UNC13C: variants seen among roughly 807,000 people sequenced by gnomAD.
UNC13C encodes protein unc-13 homolog C.
Under a neutral mutation model 245.4 loss-of-function variants are expected in UNC13C, and 174 were observed. That is an observed-to-expected ratio of 0.71 (90% CI 0.63 to 0.80). The LOEUF (loss-of-function observed/expected upper bound fraction) is 0.80. Among genes scored for constraint, UNC13C ranks in the 30% least tolerant of loss-of-function variants. The pLI is 0.00. For missense variants in UNC13C, 2,829 were observed against 2,602.9 expected, an observed-to-expected ratio of 1.09 and a Z score of -1.89; for synonymous variants, 992 against 895.1, an observed-to-expected ratio of 1.11 and a Z score of -1.93.
chr15:54,161,916 C>A (rs1034534816), intron 4 of UNC13C, among the ~76,000 whole-genome samples: 3 of 151,708 alleles, frequency 2.0e-5, no homozygotes, highest in African/African-American at 4.9e-5. Flanking sequence ...CCACTGCACC[C>A]CAGTCTGGGC....
Position 54,444,257 on chromosome 15 carries a change from T to C in UNC13C, c.4933+29190T>C, listed in dbSNP as rs1473666013. On this transcript the variant is annotated intron_variant, in intron 19 of 32. Transcript: ENST00000260323. ...TTGTTGTTGACGTGGAATATCATTT[T>C]TCATTCCCTTACTTTTGATAAATGT... is the stretch of plus-strand genomic sequence containing the variant. 2.0e-5 allele frequency among the ~76,000 whole-genome samples: 3 copies of C among 151,548 alleles called. No homozygotes were observed. The Admixed American group carries it at 2.0e-4, about 10-fold the overall frequency.
intron 29 of UNC13C, among the ~76,000 whole-genome samples, chr15:54,566,627 T>A (rs1897528540): frequency 6.6e-6 from 1 of 152,066 alleles, no homozygotes; most frequent in African/African-American, 2.4e-5. Context: ...ATTTGCCTAA[T>A]TTCTCTGGCC....
chr15:54,486,010 C>G (rs1167553898), intron 19 of UNC13C, among the ~76,000 whole-genome samples: 1 of 152,102 alleles, frequency 6.6e-6, no homozygotes, highest in Non-Finnish European at 1.5e-5. Flanking sequence ...TTATACTTCA[C>G]ATTATATTGA....
intron 8 of UNC13C, among the ~76,000 whole-genome samples, chr15:54,261,522 GTTTGTTTTGTTTTGT>G (rs10582681): frequency 1.4e-3 from 210 of 150,678 alleles, no homozygotes; most frequent in African/African-American, 4.6e-3. Flanking sequence ...ATTTTTGTTT[GTTTGTTTTGTTTTGT>G]TTTGTTTTGT....
the UNC13C span, among the ~76,000 whole-genome samples, chr15:53,888,665 T>C: frequency 1.2e-3 from 183 of 152,226 alleles, no homozygotes; most frequent in African/African-American, 4.3e-3. Context: ...TTTTCTTCTG[T>C]GGTTTTTATG....
intron 30 of UNC13C, among the ~76,000 whole-genome samples, chr15:54,608,785 T>C (rs1899917926): frequency 6.6e-6 from 1 of 152,218 alleles, no homozygotes; most frequent in Admixed American, 6.5e-5. Context: ...TATTCTCTAT[T>C]TCTCTTCTGA....
intron 17 of UNC13C, among the ~76,000 whole-genome samples, chr15:54,360,926 T>C (rs557031127): frequency 6.6e-6 from 1 of 152,184 alleles, no homozygotes; most frequent in South Asian, 2.1e-4. Flanking sequence ...TGATTATTAT[T>C]TGCCTTGGGA....
At chr15:54,234,394 A>G (rs2035633591) in intron 4 of UNC13C, among the ~76,000 whole-genome samples, 1 of 152,168 alleles carries the variant, frequency 6.6e-6, no homozygotes. Context: ...TTTAATCAAT[A>G]TGCTATTGAT....
At chr15:54,135,748 GTTCTT>G (rs1194225746) in intron 2 of UNC13C, among the ~76,000 whole-genome samples, 4 of 152,014 alleles carry the variant, frequency 2.6e-5, no homozygotes, top group Non-Finnish European at 4.4e-5. Flanking sequence ...CCCCAGCTTC[GTTCTT>G]TTCTTTAAAG....
At chr15:54,602,461 A>G (rs1899491758) in intron 30 of UNC13C, among the ~76,000 whole-genome samples, 1 of 152,178 alleles carries the variant, frequency 6.6e-6, no homozygotes, top group Admixed American at 6.5e-5. Flanking sequence ...AACATCAAGG[A>G]GCTAGAATAT....
At chr15:54,531,567 G>A (rs1566891705) in intron 25 of UNC13C, among the ~76,000 whole-genome samples, 1 of 152,038 alleles carries the variant, frequency 6.6e-6, no homozygotes, top group Non-Finnish European at 1.5e-5. Context: ...AGCCTGTGAG[G>A]TCAGAGGAAA....
chr15:54,570,648 C>T (rs1897713185), intron 30 of UNC13C, among the ~76,000 whole-genome samples: 1 of 152,124 alleles, frequency 6.6e-6, no homozygotes, highest in Non-Finnish European at 1.5e-5. Flanking sequence ...TGACCATAGA[C>T]TGAGTAATAA....
chr15:54,199,505 C>T (rs2034455473), intron 4 of UNC13C, among the ~76,000 whole-genome samples: 1 of 152,012 alleles, frequency 6.6e-6, no homozygotes, highest in African/African-American at 2.4e-5. Flanking sequence ...AGCAGAGATC[C>T]TACAAGCTAG....
At position 54,494,682 on chromosome 15, in the gene UNC13C, G is replaced by A; in HGVS notation, c.5008G>A (p.Glu1670Lys). ...LHFKVKWFYNEYVRELPAFKD... is the reference protein window; with the variant it reads ...LHFKVKWFYNKYVRELPAFKD... The stretch of plus-strand genomic sequence containing the variant: ...TTTCAAAGTTAAATGGTTTTATAAT[G>A]AATATGTGCGTGAACTTCCTGCCTT... The change falls in exon 20 of 33, where the codon GAA becomes AAA. Residue 1670 changes from glutamate to lysine, a missense_variant. Physicochemically the swap from Glu to Lys is moderately conservative, Grantham distance 56. Transcript: ENST00000260323. 1 of 1,611,344 alleles carries A rather than the reference G, an allele frequency of 6.2e-7. No homozygotes were observed. Among genetic ancestry groups the A allele is most frequent in the Non-Finnish European group, 8.5e-7 (1 of 1,178,686 alleles).
intron 14 of UNC13C, among the ~76,000 whole-genome samples, chr15:54,330,609 A>G (rs1053720377): frequency 6.6e-6 from 1 of 152,060 alleles, no homozygotes; most frequent in Non-Finnish European, 1.5e-5. Flanking sequence ...TCACTTTGAT[A>G]ATCGTCTAAA....
Position 54,213,635 on chromosome 15 carries a change from C to T in UNC13C, c.3072-21395C>T, listed in dbSNP as rs138251066. 4.1e-3 allele frequency among the ~76,000 whole-genome samples: 631 copies of T among 152,074 alleles called. 7 individuals carry two copies. The highest frequency in any genetic ancestry group is 0.015 in the African/African-American group (608 of 41,510). The stretch of plus-strand genomic sequence containing the variant: ...AAATTATTTTTACATGGAGAACATA[C>T]ATTTATTCTTGACCTTAAAGACGCA... On this transcript the variant is annotated intron_variant, in intron 4 of 32. Coordinates refer to ENST00000260323, the MANE Select transcript of UNC13C (RefSeq NM_001080534.3).
intron 19 of UNC13C, among the ~76,000 whole-genome samples, chr15:54,453,354 C>A (rs1891290092): frequency 6.6e-6 from 1 of 152,144 alleles, no homozygotes; most frequent in Non-Finnish European, 1.5e-5. Flanking sequence ...TGTCTCTTAT[C>A]TGTTGAATCC....
chr15:53,976,754 G>T (rs542026062), upstream of UNC13C: 1 of 152,044 alleles, frequency 6.6e-6, no homozygotes. Context: ...TACTGAAGAC[G>T]TATGCACATT....
chr15:54,364,472 A>C (rs1020039625), intron 17 of UNC13C, among the ~76,000 whole-genome samples: 3 of 152,334 alleles, frequency 2.0e-5, no homozygotes, highest in Middle Eastern at 3.4e-3. Flanking sequence ...TTTTTCTTAG[A>C]TGTAGGGAGC....
Sources: allele counts gnomAD v4.1 joint callset (sites outside exome capture counted in the v4.1 genomes callset), GRCh38; gene constraint gnomAD v4.1.1; transcripts MANE v1.5; gene names NCBI Gene and HGNC (gene_info 2026-07-23, HGNC 2026-07-21).